NKAIN3: variants seen among roughly 807,000 people sequenced by gnomAD.
NKAIN3 encodes sodium/potassium transporting ATPase interacting 3, also known as sodium/potassium-transporting ATPase subunit beta-1-interacting protein 3.
A neutral mutation model predicts 30.2 loss-of-function variants in NKAIN3; 25 were observed. That is an observed-to-expected ratio of 0.83 (90% CI 0.60 to 1.16). NKAIN3 has a LOEUF of 1.16. Among genes scored for constraint, NKAIN3 ranks in the 50% most tolerant of loss-of-function variants. The probability of loss-of-function intolerance (pLI) is 0.00; values close to 1 mark genes in which losing one functional copy is unlikely to be tolerated. For synonymous variants in NKAIN3, 91 were observed against 89.6 expected (o/e 1.02, Z -0.09); for missense variants, 225 against 254.1 (o/e 0.89, Z 0.78).
At chr8:62,879,018 T>G (rs984695043) in intron 4 of NKAIN3, among the ~76,000 whole-genome samples, 1 of 152,206 alleles carries the variant, frequency 6.6e-6, no homozygotes, top group Non-Finnish European at 1.5e-5. Context: ...ATCCTTTGGG[T>G]ATATACCCAG....
chr8:62,506,231 G>GGGGA (rs199556284), intron 1 of NKAIN3, among the ~76,000 whole-genome samples: 94 of 147,564 alleles, frequency 6.4e-4, no homozygotes, highest in African/African-American at 2.3e-3. Flanking sequence ...AGAATATTGG[G>GGGGA]GGGGGGGACA....
At chr8:62,521,853 C>T (rs536044666) in intron 1 of NKAIN3, among the ~76,000 whole-genome samples, 1 of 152,214 alleles carries the variant, frequency 6.6e-6, no homozygotes, top group African/African-American at 2.4e-5. Context: ...AGTTAAGTTT[C>T]CCCCTAAATT....
In NKAIN3 at chr8:62,971,105, A is replaced by G. The variant is rs1164852806; in HGVS notation, c.*5698A>G. Among the ~76,000 whole-genome samples, 2 of 152,042 alleles carry G rather than the reference A, an allele frequency of 1.3e-5. No homozygotes were observed. Among genetic ancestry groups the G allele is most frequent in the Non-Finnish European group, 2.9e-5 (2 of 68,016 alleles). Reference sequence around the variant, plus strand: ...TTCATCCTCTGTGGCCGCCATTTTTAAGACCATAACATGACTCAAAATGGC... The same window carrying G: ...TTCATCCTCTGTGGCCGCCATTTTTGAGACCATAACATGACTCAAAATGGC... On this transcript the variant is annotated 3_prime_UTR_variant, in exon 7 of 7. Coordinates refer to ENST00000623646, the MANE Select transcript of NKAIN3 (RefSeq NM_001304533.3).
intron 4 of NKAIN3, among the ~76,000 whole-genome samples, chr8:62,758,678 C>T (rs1816538784): frequency 2.0e-5 from 3 of 152,108 alleles, no homozygotes; most frequent in African/African-American, 7.2e-5. Context: ...TAAATGAGTT[C>T]AGATGTGGAC....
intron 4 of NKAIN3, among the ~76,000 whole-genome samples, chr8:62,762,728 G>C (rs1816705462): frequency 6.6e-6 from 1 of 152,048 alleles, no homozygotes; most frequent in Non-Finnish European, 1.5e-5. Flanking sequence ...GGTATGTTAG[G>C]TAAAGGAAAA....
At chr8:62,825,419 G>A (rs1818989023) in intron 4 of NKAIN3, among the ~76,000 whole-genome samples, 1 of 152,216 alleles carries the variant, frequency 6.6e-6, no homozygotes, top group African/African-American at 2.4e-5. Flanking sequence ...AAATGTTTTT[G>A]TTCTCTCTAA....
chr8:62,587,970 A>T (rs1386166139), intron 2 of NKAIN3, among the ~76,000 whole-genome samples: 2 of 151,962 alleles, frequency 1.3e-5, no homozygotes, highest in African/African-American at 4.8e-5. Context: ...TCACTAAAAA[A>T]TACCTGTGCA....
intron 1 of NKAIN3, among the ~76,000 whole-genome samples, chr8:62,553,547 T>C (rs1809288712): frequency 6.6e-6 from 1 of 151,846 alleles, no homozygotes; most frequent in Admixed American, 6.6e-5. Flanking sequence ...CACTTTTTTT[T>C]TTTTTTTGAG....
At chr8:62,839,120 G>A (rs1317102518) in intron 4 of NKAIN3, among the ~76,000 whole-genome samples, 1 of 152,040 alleles carries the variant, frequency 6.6e-6, no homozygotes, top group Non-Finnish European at 1.5e-5. Context: ...CAGTTTCTCT[G>A]TTATGTTGTT....
At chr8:62,753,020 CTTTAT>C (rs1365202921) in intron 4 of NKAIN3, among the ~76,000 whole-genome samples, 1 of 152,134 alleles carries the variant, frequency 6.6e-6, no homozygotes, top group African/African-American at 2.4e-5. Context: ...TCCGCATGTT[CTTTAT>C]TTTGAGAGTT....
intron 3 of NKAIN3, among the ~76,000 whole-genome samples, chr8:62,623,090 T>C (rs1811670111): frequency 6.6e-6 from 1 of 151,994 alleles, no homozygotes; most frequent in East Asian, 1.9e-4. Context: ...CATGATTGAA[T>C]ATATTGAGTG....
intron 1 of NKAIN3, among the ~76,000 whole-genome samples, chr8:62,384,999 A>G (rs915034377): frequency 5.3e-5 from 8 of 152,286 alleles, no homozygotes; most frequent in African/African-American, 1.9e-4. Flanking sequence ...AGTGCCTAGT[A>G]GATATCTGCT....
intron 3 of NKAIN3, among the ~76,000 whole-genome samples, chr8:62,591,003 G>A (rs1478116662): frequency 6.6e-6 from 1 of 151,890 alleles, no homozygotes; most frequent in African/African-American, 2.4e-5. Flanking sequence ...TTAAATTAAT[G>A]TCTAGTTATA....
chr8:62,321,479 G>A (rs944102060), intron 1 of NKAIN3, among the ~76,000 whole-genome samples: 11 of 152,150 alleles, frequency 7.2e-5, no homozygotes, highest in African/African-American at 2.7e-4. Flanking sequence ...TTTGGTCTTT[G>A]ATGATGGTGA....
intron 1 of NKAIN3, among the ~76,000 whole-genome samples, chr8:62,573,132 A>G (rs568777820): frequency 6.6e-6 from 1 of 152,272 alleles, no homozygotes; most frequent in South Asian, 2.1e-4. Context: ...TTGCCATGAC[A>G]TACAAAATAT....
In NKAIN3 at chr8:62,401,013, T is replaced by TTCTCTCTCTC. The variant is rs71559370; in HGVS notation, c.54+151892_54+151893insTCTCTCTCTC. Among the ~76,000 whole-genome samples, 912 of 143,834 alleles carry TTCTCTCTCTC rather than the reference T, an allele frequency of 6.3e-3. 11 individuals are homozygous for TTCTCTCTCTC. Among genetic ancestry groups the TTCTCTCTCTC allele is most frequent in the Middle Eastern group, 0.014 (4 of 284 alleles). The allele number at this position is 143,834 out of a possible 152,430, so 94.4% of individuals were successfully genotyped here. On this transcript the variant is annotated intron_variant, in intron 1 of 6. Transcript: ENST00000623646. ...ATTCTTTTGATTAAACTTTCTACCT[T>TTCTCTCTCTC]TCTCTCACTCTCTCTCTCTCTCTCT...
chr8:62,593,940 T>A (rs1810737500), intron 3 of NKAIN3, among the ~76,000 whole-genome samples: 1 of 152,022 alleles, frequency 6.6e-6, no homozygotes, highest in Admixed American at 6.6e-5. Flanking sequence ...TCTGTTCAGA[T>A]GTTGTCTTTA....
intron 1 of NKAIN3, among the ~76,000 whole-genome samples, chr8:62,466,408 A>G (rs13254279): frequency 0.18 from 27,834 of 152,030 alleles, 2,672 homozygotes; most frequent in African/African-American, 0.21. Context: ...AGTAATATGT[A>G]GATACTTAGT....
At chr8:62,827,052 T>G (rs1819049700) in intron 4 of NKAIN3, among the ~76,000 whole-genome samples, 1 of 152,156 alleles carries the variant, frequency 6.6e-6, no homozygotes, top group Non-Finnish European at 1.5e-5. Flanking sequence ...AAATAATAGA[T>G]AAATAAGTAA....
Sources: gnomAD v4.1 joint callset for allele counts (sites outside exome capture counted in the v4.1 genomes callset) on GRCh38, gnomAD v4.1.1 for gene constraint, MANE v1.5 for transcripts, NCBI Gene and HGNC (gene_info 2026-07-23, HGNC 2026-07-21) for gene names.